MICU1: variants seen among roughly 807,000 people sequenced by gnomAD.
MICU1 encodes the protein mitochondrial calcium uptake 1.
Under a neutral mutation model 56.8 loss-of-function variants are expected in MICU1, and 45 were observed. The ratio of observed to expected loss-of-function variants is 0.79; its 90% confidence interval spans 0.62 to 1.02. The LOEUF (loss-of-function observed/expected upper bound fraction) is 1.02. Ranked by LOEUF, MICU1 falls within the 50% of genes least tolerant of loss-of-function variation. The probability of loss-of-function intolerance (pLI) is 0.00; values close to 1 mark genes in which losing one functional copy is unlikely to be tolerated. For synonymous variants in MICU1, 186 were observed against 195.1 expected (o/e 0.95, Z 0.39); for missense variants, 504 against 587.1 (o/e 0.86, Z 1.46).
At chr10:72,457,718 GGAGAGAGACAGA>G (rs764453545) in intron 8 of MICU1, among the ~76,000 whole-genome samples, 199 of 151,894 alleles carry the variant, frequency 1.3e-3, no homozygotes, top group African/African-American at 3.4e-3. Flanking sequence ...GAAAGAGTGG[GGAGAGAGACAGA>G]GAGAGAGACA....
intron 1 of MICU1, among the ~76,000 whole-genome samples, chr10:72,587,783 TAAATAAATAAATAAATAAAAC>T (rs1475588895): frequency 2.0e-5 from 3 of 151,656 alleles, no homozygotes; most frequent in African/African-American, 7.3e-5. Context: ...GACTCTATCA[TAAATAAATAAATAAATAAAAC>T]AAATAAATAA....
At chr10:72,388,260 T>C (rs1401729914) in intron 10 of MICU1, among the ~76,000 whole-genome samples, 1 of 152,260 alleles carries the variant, frequency 6.6e-6, no homozygotes, top group Non-Finnish European at 1.5e-5. Flanking sequence ...GGTGTATCTA[T>C]ATCCTGTATT....
At chr10:72,483,364 T>A (rs764145646) in intron 6 of MICU1, 1 of 164,954 alleles carries the variant, frequency 6.1e-6, no homozygotes, top group Non-Finnish European at 1.3e-5. Context: ...CAGCTTCTGG[T>A]CAATGTGTGG....
At chr10:72,511,860 C>T (rs1359516920) in intron 5 of MICU1, among the ~76,000 whole-genome samples, 1 of 152,152 alleles carries the variant, frequency 6.6e-6, no homozygotes, top group African/African-American at 2.4e-5. Flanking sequence ...TCAGAGAGAA[C>T]CATTTGCTGT....
chr10:72,506,246 A>G, intron 6 of MICU1, among the ~76,000 whole-genome samples: 1 of 152,148 alleles, frequency 6.6e-6, no homozygotes, highest in East Asian at 1.9e-4. Context: ...TGGTTAAGGG[A>G]GCTATGCGAT....
chr10:72,576,578 G>A (rs1456776911), intron 1 of MICU1, among the ~76,000 whole-genome samples: 3 of 152,188 alleles, frequency 2.0e-5, no homozygotes, highest in Non-Finnish European at 2.9e-5. Flanking sequence ...GGTTTATGAG[G>A]TATAAGGAAA....
intron 11 of MICU1, among the ~76,000 whole-genome samples, chr10:72,371,987 C>T (rs562193604): frequency 8.6e-5 from 13 of 150,360 alleles, no homozygotes; most frequent in African/African-American, 2.2e-4. Flanking sequence ...GTCTGAAAGG[C>T]GGGAGTTGCA....
At chr10:72,556,216 G>A (rs1840155025) in intron 3 of MICU1, among the ~76,000 whole-genome samples, 1 of 152,182 alleles carries the variant, frequency 6.6e-6, no homozygotes, top group African/African-American at 2.4e-5. Context: ...CCATAATAAT[G>A]AGCATCTGTC....
At chr10:72,375,213 T>A (rs1424981428) in intron 11 of MICU1, among the ~76,000 whole-genome samples, 2 of 152,156 alleles carry the variant, frequency 1.3e-5, no homozygotes, top group Admixed American at 6.5e-5. Flanking sequence ...TAGTAAGCAT[T>A]GAAAAAGTGT....
rs1321570329 is a variant in MICU1 at position 72,607,969 on chromosome 10, T to C, written c.-2+18041A>G. On this transcript the variant is annotated intron_variant, in intron 1 of 11. Transcript: ENST00000361114. Reference sequence around the variant, plus strand: ...CAATCCACACATCTGGTGTAGGCAGTGAAGTGCTGAGTGACTGCGTGTTAT... The same window carrying C: ...CAATCCACACATCTGGTGTAGGCAGCGAAGTGCTGAGTGACTGCGTGTTAT... Among the ~76,000 whole-genome samples the C allele has an allele frequency of 2.0e-5, 3 of 152,278 alleles. No homozygotes were observed. In the East Asian group the frequency reaches 5.8e-4, roughly 29 times the overall value.
At chr10:72,467,417 C>T (rs998646137) in intron 8 of MICU1, among the ~76,000 whole-genome samples, 1 of 152,246 alleles carries the variant, frequency 6.6e-6, no homozygotes, top group African/African-American at 2.4e-5. Context: ...CTCCTGACCT[C>T]AGGTGATCCA....
intron 5 of MICU1, among the ~76,000 whole-genome samples, chr10:72,532,245 G>C (rs920783871): frequency 6.6e-6 from 1 of 151,744 alleles, no homozygotes; most frequent in East Asian, 1.9e-4. Context: ...GCAAACCCGG[G>C]AGGTGGAGCT....
chr10:72,420,243 TAG>T (rs1237981847), intron 9 of MICU1, among the ~76,000 whole-genome samples: 1 of 152,124 alleles, frequency 6.6e-6, no homozygotes, highest in Non-Finnish European at 1.5e-5. Flanking sequence ...GTATTTTTAG[TAG>T]AGAGGGGGTT....
intron 1 of MICU1, among the ~76,000 whole-genome samples, chr10:72,587,939 TTCTG>T: frequency 6.6e-6 from 1 of 152,204 alleles, no homozygotes; most frequent in East Asian, 1.9e-4. Flanking sequence ...GTCAATAAAC[TTCTG>T]TCTTTTTCTT....
At chr10:72,510,421 T>C (rs979647981) in intron 5 of MICU1, among the ~76,000 whole-genome samples, 1 of 152,180 alleles carries the variant, frequency 6.6e-6, no homozygotes, top group African/African-American at 2.4e-5. Context: ...TCATGCCACT[T>C]TATGCTTAAG....
chr10:72,486,831 G>A (rs1439785008), intron 6 of MICU1, among the ~76,000 whole-genome samples: 2 of 152,052 alleles, frequency 1.3e-5, no homozygotes, highest in African/African-American at 4.8e-5. Context: ...TATGGAAAAT[G>A]CATATTATGA....
chr10:72,421,239 T>C (rs947976163), intron 9 of MICU1, among the ~76,000 whole-genome samples: 2 of 151,574 alleles, frequency 1.3e-5, no homozygotes, highest in African/African-American at 4.8e-5. Context: ...CCTATCATCT[T>C]TTCTTTCTTT....
intron 1 of MICU1, among the ~76,000 whole-genome samples, chr10:72,588,086 T>G (rs1841114482): frequency 6.6e-6 from 1 of 152,086 alleles, no homozygotes; most frequent in Non-Finnish European, 1.5e-5. Context: ...GGGGGCAGAT[T>G]TTCCCCTCGC....
chr10:72,508,233 C>T lies in MICU1; in HGVS notation c.574G>A (p.Gly192Ser), dbSNP rs1369228259. Residue 192 changes from glycine to serine, a missense_variant, in exon 6 of 12, where the codon GGC (glycine) becomes AGC (serine). Gly to Ser is a moderately conservative substitution (Grantham distance 56). Transcript: ENST00000361114. ...TCTCCAAGGGTGTAAAATATACTGC[C>T]TTCATCAGCAAATTTTTCTCGTTCC... is the stretch of plus-strand genomic sequence containing the variant. Reference protein sequence around the residue: ...SQEREKFADEGSIFYTLGECG... With the variant: ...SQEREKFADESSIFYTLGECG... 1 of 1,529,478 alleles carries T rather than the reference C, an allele frequency of 6.5e-7. No individual in the cohort carries two copies. Among genetic ancestry groups the T allele is most frequent in the South Asian group, 1.3e-5 (1 of 77,034 alleles). The allele number at this position is 1,529,478 out of a possible 1,614,324, so 94.7% of individuals were successfully genotyped here. A position where few individuals can be genotyped will look rare whatever the true frequency, so the allele number is the denominator to read the frequency against.
Sources: allele counts gnomAD v4.1 joint callset (sites outside exome capture counted in the v4.1 genomes callset), GRCh38; gene constraint gnomAD v4.1.1; transcripts MANE v1.5; gene names NCBI Gene and HGNC (gene_info 2026-07-23, HGNC 2026-07-21).